MYT1L: variants seen among roughly 807,000 people sequenced by gnomAD.
MYT1L encodes myelin transcription factor 1-like protein.
A neutral mutation model predicts 126.7 loss-of-function variants in MYT1L; 12 were observed. The observed-to-expected ratio is 0.09, with a 90% CI of 0.06 to 0.15. MYT1L has a LOEUF of 0.15. Among genes scored for constraint, MYT1L ranks in the 10% least tolerant of loss-of-function variants. MYT1L has a pLI of 1.00. For missense variants in MYT1L, 979 were observed against 1,585.2 expected (o/e 0.62, Z 6.49); for synonymous variants, 541 against 604.2 (o/e 0.90, Z 1.53).
At position 1,851,184 on chromosome 2, in the gene MYT1L, G is replaced by A. The variant is rs541752233; in HGVS notation, c.2774+457C>T. ...TTGGGAGAGACAGTGCCTAGACTTT[G>A]TAACATTAAGTGCTTCTTAATGTTA... On this transcript the variant is annotated intron_variant, in intron 19 of 24. Transcript: ENST00000647738. Among the ~76,000 whole-genome samples, 520 of 152,182 alleles carry A rather than the reference G, an allele frequency of 3.4e-3. 4 individuals are homozygous for A. The highest frequency in any genetic ancestry group is 0.012 in the African/African-American group (495 of 41,494).
chr2:2,182,280 A>G (rs186326488), intron 2 of MYT1L, among the ~76,000 whole-genome samples: 1 of 152,346 alleles, frequency 6.6e-6, no homozygotes, highest in Admixed American at 6.5e-5. Flanking sequence ...TTGTTAGAAC[A>G]GTACCCATGC....
intron 3 of MYT1L, among the ~76,000 whole-genome samples, chr2:2,139,894 G>T (rs773872008): frequency 3.1e-4 from 47 of 152,242 alleles, no homozygotes; most frequent in Non-Finnish European, 4.9e-4. Flanking sequence ...CCTCAGGTAT[G>T]TTGGTTTATT....
At chr2:2,144,089 C>A (rs993241272) in intron 3 of MYT1L, among the ~76,000 whole-genome samples, 3 of 152,102 alleles carry the variant, frequency 2.0e-5, no homozygotes, top group African/African-American at 7.2e-5. Flanking sequence ...CATGTACCCC[C>A]TAAAATCTAA....
At chr2:2,257,708 G>C (rs2094856068) in intron 2 of MYT1L, among the ~76,000 whole-genome samples, 2 of 147,308 alleles carry the variant, frequency 1.4e-5, no homozygotes, top group African/African-American at 2.7e-5. Context: ...CCTCTTCAAG[G>C]AGAACTACAA....
Position 1,917,454 on chromosome 2 carries a change from G to T in MYT1L, c.1484-115C>A, listed in dbSNP as rs766949313. 64 of 1,280,050 alleles carry T rather than the reference G, an allele frequency of 5.0e-5. No individual in the cohort carries two copies. Among genetic ancestry groups the T allele is most frequent in the Non-Finnish European group, 6.7e-5 (62 of 926,554 alleles). 79.3% of individuals were successfully genotyped at this position (1,280,050 alleles called of 1,614,324 possible). A position where few individuals can be genotyped will look rare whatever the true frequency, so the allele number is the denominator to read the frequency against. On this transcript the variant is annotated intron_variant, in intron 10 of 24. Transcript: ENST00000647738. The surrounding 1 kb of genome is among the most constrained non-coding windows in gnomAD (Gnocchi z 5.9). ...GAAAGAAATAAAGCAGGTGTCGGGG[G>T]CTAGGCTGTGACATCAGACTTTTGC... is the stretch of plus-strand genomic sequence containing the variant.
chr2:1,799,775 C>T (rs2034489107), intron 23 of MYT1L, among the ~76,000 whole-genome samples: 1 of 152,148 alleles, frequency 6.6e-6, no homozygotes, highest in Non-Finnish European at 1.5e-5. Flanking sequence ...AATTATAATC[C>T]CTATAATTCC....
chr2:1,973,662 A>C lies in MYT1L; in HGVS notation c.152+5503T>G, dbSNP rs541689494. ...TGAGCCCCACTAAACAATCACCTAC[A>C]CAGACAGAGAGGAAGGTGTGGTTTC... On this transcript the variant is annotated intron_variant, in intron 8 of 24. Transcript: ENST00000647738. Among the ~76,000 whole-genome samples, 13 of 152,344 alleles carry C rather than the reference A, an allele frequency of 8.5e-5. No individual in the cohort carries two copies. In the East Asian group the frequency reaches 1.9e-3, roughly 23 times the overall value.
chr2:1,993,442 T>C (rs1188972212), intron 5 of MYT1L, among the ~76,000 whole-genome samples: 1 of 152,158 alleles, frequency 6.6e-6, no homozygotes, highest in Non-Finnish European at 1.5e-5. Context: ...TCAGGCTCTG[T>C]TTACAAAACT....
At chr2:2,048,958 C>T (rs995960012) in intron 4 of MYT1L, among the ~76,000 whole-genome samples, 4 of 152,174 alleles carry the variant, frequency 2.6e-5, no homozygotes, top group African/African-American at 9.7e-5. Context: ...TCTTAAACTA[C>T]AGTCCAGAAA....
At chr2:2,247,138 A>T (rs1168309090) in intron 2 of MYT1L, among the ~76,000 whole-genome samples, 4 of 152,250 alleles carry the variant, frequency 2.6e-5, no homozygotes. Context: ...TCTGTTCCCT[A>T]CAAGAAACTT....
At chr2:2,033,943 TAC>T (rs1281458334) in intron 4 of MYT1L, among the ~76,000 whole-genome samples, 3 of 152,116 alleles carry the variant, frequency 2.0e-5, no homozygotes, top group Non-Finnish European at 4.4e-5. Context: ...AGGGGTGCAT[TAC>T]AGAGAGGGTC....
At position 1,903,255 on chromosome 2, in the gene MYT1L, A is replaced by G. The variant is rs773419427; in HGVS notation, c.1857T>C (p.Tyr619=). The change falls in exon 14 of 25, where the codon TAT becomes TAC. Residue 619 remains tyrosine, a synonymous_variant. Transcript: ENST00000647738. ...CFVKQLEIPQ[Y]GYRNNVPTTT... The stretch of plus-strand genomic sequence containing the variant: ...TTGTGGGGACATTGTTTCTGTAGCC[A>G]TACTGAGGAATCTCCAGCTGCTTCA... The G allele has an allele frequency of 1.2e-5, 19 of 1,613,754 alleles. No individual in the cohort carries two copies. The African/African-American group carries it at 1.7e-4, about 15-fold the overall frequency.
chr2:1,964,637 ATTTAT>A (rs2059202771), intron 8 of MYT1L, among the ~76,000 whole-genome samples: 1 of 152,196 alleles, frequency 6.6e-6, no homozygotes, highest in Non-Finnish European at 1.5e-5. Flanking sequence ...TCTTAACTAG[ATTTAT>A]TTTGTGTTAT....
intron 18 of MYT1L, among the ~76,000 whole-genome samples, chr2:1,860,469 CA>C (rs2044447764): frequency 6.6e-6 from 1 of 152,180 alleles, no homozygotes; most frequent in Admixed American, 6.5e-5. Context: ...ATTCCACATG[CA>C]AAGGGACCTC....
At chr2:1,854,747 G>A (rs1162236212) in intron 18 of MYT1L, among the ~76,000 whole-genome samples, 1 of 152,212 alleles carries the variant, frequency 6.6e-6, no homozygotes, top group Non-Finnish European at 1.5e-5. Flanking sequence ...CCACTTGCTA[G>A]CCGCGTGAAT....
At chr2:2,176,539 C>T (rs940177036) in intron 2 of MYT1L, among the ~76,000 whole-genome samples, 11 of 150,948 alleles carry the variant, frequency 7.3e-5, no homozygotes, top group Admixed American at 4.0e-4. Flanking sequence ...TTGCTCGTCA[C>T]CCAGGCTGGA....
intron 4 of MYT1L, among the ~76,000 whole-genome samples, chr2:1,998,823 A>G (rs1028528683): frequency 6.6e-6 from 1 of 152,116 alleles, no homozygotes; most frequent in Non-Finnish European, 1.5e-5. Flanking sequence ...CAGAGCCCAC[A>G]CAATTCCTAC....
At chr2:2,095,046 T>C (rs1156998761) in intron 3 of MYT1L, among the ~76,000 whole-genome samples, 4 of 152,082 alleles carry the variant, frequency 2.6e-5, no homozygotes, top group Non-Finnish European at 2.9e-5. Flanking sequence ...CAAATTTGCT[T>C]TGCTATGTAA....
chr2:2,070,275 C>T (rs779638078), intron 3 of MYT1L, among the ~76,000 whole-genome samples: 1 of 152,010 alleles, frequency 6.6e-6, no homozygotes. Flanking sequence ...GGTAATCTAC[C>T]CCATGTTTCC....
Sources: gnomAD v4.1 joint callset for allele counts (sites outside exome capture counted in the v4.1 genomes callset) on GRCh38, gnomAD v4.1.1 for gene constraint, Gnocchi (gnomAD v3.1) non-coding constraint, MANE v1.5 for transcripts, NCBI Gene and HGNC (gene_info 2026-07-23, HGNC 2026-07-21) for gene names.